SNX29: variants seen among roughly 807,000 people sequenced by gnomAD.
SNX29 encodes sorting nexin-29.
A neutral mutation model predicts 102.1 loss-of-function variants in SNX29; 78 were observed. The observed-to-expected ratio is 0.76, with a 90% CI of 0.64 to 0.92. The LOEUF (loss-of-function observed/expected upper bound fraction) is 0.92, where lower values mean the gene tolerates loss of function less well. Ranked by LOEUF, SNX29 falls within the 40% of genes least tolerant of loss-of-function variation. SNX29 has a pLI of 0.00. For synonymous variants in SNX29, 580 were observed against 414.5 expected (o/e 1.40, Z -4.85); for missense variants, 1,280 against 1,061.7 (o/e 1.21, Z -2.86).
chr16:12,028,633 G>A (rs760406754), intron 4 of SNX29, among the ~76,000 whole-genome samples: 1 of 151,604 alleles, frequency 6.6e-6, no homozygotes, highest in African/African-American at 2.4e-5. Context: ...CAACTAGCTG[G>A]GATTACAAAT....
intron 18 of SNX29, among the ~76,000 whole-genome samples, chr16:12,433,418 G>A (rs1378594550): frequency 1.3e-5 from 2 of 152,022 alleles, no homozygotes; most frequent in East Asian, 3.9e-4. Context: ...ACCACCTGAG[G>A]TCAGGAGTTT....
At chr16:12,351,383 TC>T (rs60736958) in intron 15 of SNX29, among the ~76,000 whole-genome samples, 18,081 of 152,082 alleles carry the variant, frequency 0.12, 2,476 homozygotes, top group African/African-American at 0.34. Flanking sequence ...TTCTAAGGCA[TC>T]GAAGTGAATA....
At position 12,570,243 on chromosome 16, in the gene SNX29, A is replaced by C. The variant is rs1019235328; in HGVS notation, c.*1614A>C. ...GATAAGCCCTGCCCCGGTGAGACCA[A>C]ATGAGCTGGAGCATGTATGGAGGTG... On this transcript the variant is annotated 3_prime_UTR_variant, in exon 21 of 21. Coordinates refer to ENST00000566228, the MANE Select transcript of SNX29 (RefSeq NM_032167.5). The C allele has an allele frequency of 1.9e-6, 2 of 1,065,056 alleles. No homozygotes were observed. Among genetic ancestry groups the C allele is most frequent in the Non-Finnish European group, 2.3e-6 (2 of 879,202 alleles). 66.0% of individuals were successfully genotyped at this position (1,065,056 alleles called of 1,614,324 possible). A position where few individuals can be genotyped will look rare whatever the true frequency, so the allele number is the denominator to read the frequency against.
At chr16:12,268,541 C>T (rs1046434639) in intron 14 of SNX29, among the ~76,000 whole-genome samples, 2 of 152,096 alleles carry the variant, frequency 1.3e-5, no homozygotes, top group African/African-American at 2.4e-5. Flanking sequence ...TGTGGGTAAC[C>T]GGTGTCTTGT....
At chr16:12,244,175 A>G (rs1160392611) in intron 14 of SNX29, among the ~76,000 whole-genome samples, 1 of 151,762 alleles carries the variant, frequency 6.6e-6, no homozygotes, top group African/African-American at 2.4e-5. Context: ...CCGCCACTCA[A>G]CTCCTGCTGT....
At chr16:12,381,474 T>C (rs527262749) in intron 16 of SNX29, among the ~76,000 whole-genome samples, 8 of 44,232 alleles carry the variant, frequency 1.8e-4, no homozygotes, top group African/African-American at 9.3e-4. Flanking sequence ...CATCCACCTA[T>C]CCACCTAGCC....
At chr16:12,034,352 C>T (rs1472308787) in intron 4 of SNX29, among the ~76,000 whole-genome samples, 1 of 152,158 alleles carries the variant, frequency 6.6e-6, no homozygotes, top group African/African-American at 2.4e-5. Context: ...TATTCATGCA[C>T]GTGCCAATCA....
chr16:12,233,455 A>G (rs2077831326), intron 14 of SNX29, among the ~76,000 whole-genome samples: 1 of 152,158 alleles, frequency 6.6e-6, no homozygotes, highest in Non-Finnish European at 1.5e-5. Flanking sequence ...GGAAGGGAGG[A>G]GCAAGGGTTG....
chr16:12,398,737 T>A (rs2083819361), intron 17 of SNX29, among the ~76,000 whole-genome samples: 3 of 152,106 alleles, frequency 2.0e-5, no homozygotes, highest in Non-Finnish European at 4.4e-5. Flanking sequence ...TGGCTGACAT[T>A]TAGAATTTGG....
At chr16:12,472,500 C>G (rs2087394543) in intron 18 of SNX29, among the ~76,000 whole-genome samples, 1 of 123,224 alleles carries the variant, frequency 8.1e-6, no homozygotes, top group Non-Finnish European at 1.6e-5. Context: ...GCCTGGGTGA[C>G]AGAGCGAGTC....
At chr16:12,235,849 C>T (rs1425648631) in intron 14 of SNX29, among the ~76,000 whole-genome samples, 1 of 151,264 alleles carries the variant, frequency 6.6e-6, no homozygotes, top group Non-Finnish European at 1.5e-5. Context: ...TAGATTCTGA[C>T]ATAAAAATCA....
At chr16:12,562,580 C>T (rs2078789000) in intron 20 of SNX29, among the ~76,000 whole-genome samples, 1 of 152,172 alleles carries the variant, frequency 6.6e-6, no homozygotes, top group Non-Finnish European at 1.5e-5. Flanking sequence ...CTAGTTTTTA[C>T]CCAGAGACGG....
intron 8 of SNX29, among the ~76,000 whole-genome samples, chr16:12,055,121 G>C (rs979089292): frequency 6.6e-6 from 1 of 152,028 alleles, no homozygotes; most frequent in Non-Finnish European, 1.5e-5. Context: ...CGGACGTTCT[G>C]TGTGTGGATG....
At chr16:12,210,323 CACT>C (rs1300682972) in intron 14 of SNX29, among the ~76,000 whole-genome samples, 1 of 93,070 alleles carries the variant, frequency 1.1e-5, no homozygotes, top group Non-Finnish European at 2.5e-5. Flanking sequence ...ACGTTCCCTC[CACT>C]TTTTTTTTTT....
chr16:12,165,706 G>A (rs1242930697), intron 13 of SNX29, among the ~76,000 whole-genome samples: 2 of 152,210 alleles, frequency 1.3e-5, no homozygotes, highest in East Asian at 1.9e-4. Context: ...GATTACAGGC[G>A]CACGCCGCCA....
intron 18 of SNX29, among the ~76,000 whole-genome samples, chr16:12,477,436 G>A (rs1207924223): frequency 6.6e-6 from 1 of 152,240 alleles, no homozygotes; most frequent in Non-Finnish European, 1.5e-5. Flanking sequence ...CATGAAACAT[G>A]CATCTCTGCT....
At chr16:12,130,523 G>A (rs996929942) in intron 13 of SNX29, among the ~76,000 whole-genome samples, 1 of 149,502 alleles carries the variant, frequency 6.7e-6, no homozygotes, top group Non-Finnish European at 1.5e-5. Flanking sequence ...CAAAAAAAGT[G>A]TGTATTTTAA....
intron 13 of SNX29, among the ~76,000 whole-genome samples, chr16:12,139,309 C>G (rs2054782238): frequency 6.6e-6 from 1 of 151,012 alleles, no homozygotes; most frequent in African/African-American, 2.4e-5. Context: ...GTAGGTATTC[C>G]TGAATAGCGT....
At chr16:12,562,509 A>C (rs1427644764) in intron 20 of SNX29, among the ~76,000 whole-genome samples, 4 of 152,194 alleles carry the variant, frequency 2.6e-5, no homozygotes, top group East Asian at 3.9e-4. Context: ...TGAGCAGCCC[A>C]AGTACACCTG....
Sources: allele counts gnomAD v4.1 joint callset (sites outside exome capture counted in the v4.1 genomes callset), GRCh38; gene constraint gnomAD v4.1.1; transcripts MANE v1.5; gene names NCBI Gene and HGNC (gene_info 2026-07-23, HGNC 2026-07-21).